Variants in HS6ST3 observed in about 807,000 individuals in gnomAD.
HS6ST3 encodes heparan-sulfate 6-O-sulfotransferase 3.
HS6ST3 carries 12 observed loss-of-function variants against 36.7 expected under a neutral mutation model. That is an observed-to-expected ratio of 0.33 (90% CI 0.21 to 0.53). The LOEUF (loss-of-function observed/expected upper bound fraction) is 0.53. HS6ST3 is among the 20% of genes least tolerant of loss of function. The probability of loss-of-function intolerance (pLI) is 0.95; values close to 1 mark genes in which losing one functional copy is unlikely to be tolerated. For synonymous variants in HS6ST3, 240 were observed against 257.5 expected (o/e 0.93, Z 0.65); for missense variants, 584 against 640.9 (o/e 0.91, Z 0.96).
At chr13:96,137,370 A>ATTG (rs1372308655) in intron 1 of HS6ST3, among the ~76,000 whole-genome samples, 1 of 151,876 alleles carries the variant, frequency 6.6e-6, no homozygotes, top group African/African-American at 2.4e-5. Flanking sequence ...TGGTATGAAT[A>ATTG]CATCATTTTT....
At chr13:96,572,863 T>G (rs146644011) in intron 1 of HS6ST3, among the ~76,000 whole-genome samples, 1 of 152,200 alleles carries the variant, frequency 6.6e-6, no homozygotes, top group Non-Finnish European at 1.5e-5. Context: ...GAACTATACC[T>G]TATCCATTCT....
At chr13:96,816,400 C>T (rs150582435) in intron 1 of HS6ST3, among the ~76,000 whole-genome samples, 99 of 152,308 alleles carry the variant, frequency 6.5e-4, no homozygotes, top group African/African-American at 1.8e-3. Context: ...TCACGTTGTA[C>T]TGGGGGGCAT....
intron 1 of HS6ST3, among the ~76,000 whole-genome samples, chr13:96,624,974 A>G (rs1238628100): frequency 6.6e-6 from 1 of 152,190 alleles, no homozygotes; most frequent in Non-Finnish European, 1.5e-5. Context: ...GAAAGAATTC[A>G]AGAGCAAGCA....
chr13:96,246,479 A>G (rs1455545735), intron 1 of HS6ST3, among the ~76,000 whole-genome samples: 1 of 152,232 alleles, frequency 6.6e-6, no homozygotes, highest in African/African-American at 2.4e-5. Flanking sequence ...GTCTGGGGAC[A>G]GTCCTGTAGA....
rs549707450 is a variant in HS6ST3 at position 96,529,788 on chromosome 13, A to G, written c.708-302702A>G. ...ATTTGTAATGGCTTTCTTCTATCAA[A>G]TTATTTTCTTAGCATAAATTTAGAT... On this transcript the variant is annotated intron_variant, in intron 1 of 1. Coordinates refer to ENST00000376705, the MANE Select transcript of HS6ST3 (RefSeq NM_153456.4). Among the ~76,000 whole-genome samples, 11 of 152,288 alleles carry G rather than the reference A, an allele frequency of 7.2e-5. No homozygotes were observed. The East Asian group carries it at 1.9e-3, about 27-fold the overall frequency.
At chr13:96,241,605 T>C (rs1422959191) in intron 1 of HS6ST3, among the ~76,000 whole-genome samples, 1 of 151,400 alleles carries the variant, frequency 6.6e-6, no homozygotes, top group African/African-American at 2.4e-5. Context: ...TCCCAGGAGA[T>C]TCAATAAAAA....
intron 1 of HS6ST3, among the ~76,000 whole-genome samples, chr13:96,480,499 T>C (rs1355711963): frequency 6.6e-6 from 1 of 151,908 alleles, no homozygotes; most frequent in Non-Finnish European, 1.5e-5. Context: ...GAGAAGGGAG[T>C]AGAGTTTGTG....
At chr13:96,411,144 A>C (rs948933040) in intron 1 of HS6ST3, among the ~76,000 whole-genome samples, 1 of 152,224 alleles carries the variant, frequency 6.6e-6, no homozygotes, top group East Asian at 1.9e-4. Flanking sequence ...GATCAATTTT[A>C]GGATTTAATG....
intron 1 of HS6ST3, among the ~76,000 whole-genome samples, chr13:96,228,106 G>C (rs1329639416): frequency 6.6e-6 from 1 of 152,040 alleles, no homozygotes; most frequent in African/African-American, 2.4e-5. Flanking sequence ...AGGCTTTGTG[G>C]GCCATATATT....
At chr13:96,452,842 G>A (rs919628973) in intron 1 of HS6ST3, among the ~76,000 whole-genome samples, 1 of 151,998 alleles carries the variant, frequency 6.6e-6, no homozygotes, top group Non-Finnish European at 1.5e-5. Context: ...TAGAGAATCC[G>A]TAGGAACTTT....
intron 1 of HS6ST3, among the ~76,000 whole-genome samples, chr13:96,224,935 G>T (rs566278626): frequency 6.6e-6 from 1 of 152,186 alleles, no homozygotes; most frequent in South Asian, 2.1e-4. Context: ...TAAGTGGAGC[G>T]TGTTTGCATT....
rs1330190187 is a variant in HS6ST3, at chr13:96,163,696, A to G, written c.707+72127A>G. Among the ~76,000 whole-genome samples, 4 of 152,322 alleles carry G rather than the reference A, an allele frequency of 2.6e-5. 1 individual carries two copies. Among genetic ancestry groups the G allele is most frequent in the African/African-American group, 9.6e-5 (4 of 41,574 alleles). On this transcript the variant is annotated intron_variant, in intron 1 of 1. Transcript: ENST00000376705. ...AGGTATAATGATATTTAATATATCAATAGCTTAATAAAAAACCCTTTTCCC... is the reference window on the plus strand; with the variant it reads ...AGGTATAATGATATTTAATATATCAGTAGCTTAATAAAAAACCCTTTTCCC...
At chr13:96,605,573 A>G (rs2056435845) in intron 1 of HS6ST3, among the ~76,000 whole-genome samples, 1 of 152,184 alleles carries the variant, frequency 6.6e-6, no homozygotes, top group South Asian at 2.1e-4. Context: ...TAACCAGAAT[A>G]TCTAGTATAA....
intron 1 of HS6ST3, among the ~76,000 whole-genome samples, chr13:96,410,718 C>T (rs2055503359): frequency 6.6e-6 from 1 of 152,066 alleles, no homozygotes; most frequent in African/African-American, 2.4e-5. Flanking sequence ...CAGAAAGCAC[C>T]TACTAGCATT....
chr13:96,683,184 CCTT>C (rs1005590928), intron 1 of HS6ST3, among the ~76,000 whole-genome samples: 4 of 152,024 alleles, frequency 2.6e-5, no homozygotes, highest in Non-Finnish European at 5.9e-5. Context: ...GTCAAACACT[CCTT>C]CATCTAGCTA....
intron 1 of HS6ST3, among the ~76,000 whole-genome samples, chr13:96,615,682 T>G (rs1038478480): frequency 1.3e-5 from 2 of 152,210 alleles, no homozygotes; most frequent in African/African-American, 4.8e-5. Context: ...AACACAACCA[T>G]TAGAAGAATC....
intron 1 of HS6ST3, among the ~76,000 whole-genome samples, chr13:96,448,592 T>C (rs555481737): frequency 1.1e-4 from 16 of 152,252 alleles, no homozygotes; most frequent in African/African-American, 3.8e-4. Flanking sequence ...CTAAGCCATT[T>C]ATACTTCTAA....
At chr13:96,143,588 T>C (rs2054042472) in intron 1 of HS6ST3, among the ~76,000 whole-genome samples, 1 of 151,912 alleles carries the variant, frequency 6.6e-6, no homozygotes, top group African/African-American at 2.4e-5. Flanking sequence ...AATACTATGA[T>C]TTAAGTCCTT....
intron 1 of HS6ST3, among the ~76,000 whole-genome samples, chr13:96,786,490 G>A (rs1307410371): frequency 2.6e-5 from 4 of 152,076 alleles, no homozygotes; most frequent in African/African-American, 4.8e-5. Context: ...TAGGTGTACC[G>A]TAAATATTAA....
Sources: allele counts gnomAD v4.1 joint callset (sites outside exome capture counted in the v4.1 genomes callset), GRCh38; gene constraint gnomAD v4.1.1; transcripts MANE v1.5; gene names NCBI Gene and HGNC (gene_info 2026-07-23, HGNC 2026-07-21).